Variants in NFATC1 observed in about 807,000 individuals in gnomAD.
NFATC1 encodes the protein nuclear factor of activated T-cells, cytoplasmic 1.
A neutral mutation model predicts 76.0 loss-of-function variants in NFATC1; 22 were observed. The observed-to-expected ratio is 0.29, with a 90% CI of 0.21 to 0.41. The LOEUF is 0.41. Among genes scored for constraint, NFATC1 ranks in the 10% least tolerant of loss-of-function variants. The pLI, the probability that NFATC1 is intolerant of heterozygous loss-of-function variation, is 1.00. For missense variants in NFATC1, 1,357 were observed against 1,337.7 expected (o/e 1.01, Z -0.23); for synonymous variants, 704 against 613.1 (o/e 1.15, Z -2.19).
At position 79,406,446 on chromosome 18, in the gene NFATC1, C is replaced by T. The variant is rs979557013; in HGVS notation, c.128-3957C>T. Reference sequence around the variant, plus strand: ...GGCTGGGCCCCCGTGATCGGATCCACGCTGCCATCGTGTTCCCTCAGTTCC... The same window carrying T: ...GGCTGGGCCCCCGTGATCGGATCCATGCTGCCATCGTGTTCCCTCAGTTCC... On this transcript the variant is annotated intron_variant, in intron 1 of 9. Transcript: ENST00000427363. Among the ~76,000 whole-genome samples the T allele has an allele frequency of 4.6e-5, 7 of 152,190 alleles. No individual in the cohort carries two copies. The East Asian group carries it at 7.8e-4, about 17-fold the overall frequency.
At position 79,504,543 on chromosome 18, in the gene NFATC1, C is replaced by G. The variant is rs78812714; in HGVS notation, c.2782+17606C>G. Among the ~76,000 whole-genome samples the G allele has an allele frequency of 3.1e-3, 479 of 152,338 alleles. 1 individual carries two copies. The highest frequency in any genetic ancestry group is 4.6e-3 in the Non-Finnish European group (312 of 68,032). Reference sequence around the variant, plus strand: ...CCCCAAAGATCACAGATCTCCGCAGCAGATATGATAGCAATGAGAAAGCTT... The same window carrying G: ...CCCCAAAGATCACAGATCTCCGCAGGAGATATGATAGCAATGAGAAAGCTT... On this transcript the variant is annotated intron_variant, in intron 9 of 9. Transcript: ENST00000427363.
chr18:79,448,955 A>C lies in NFATC1; in HGVS notation c.1560A>C (p.Pro520=), dbSNP rs769285518. ...CCAACACCAAAGTCCTGGAGATCCC[A>C]CTCCTGCCGGAGAACAGCATGCGAG... ...ILSNTKVLEI[P]LLPENSMRAV... The change falls in exon 4 of 10, where the codon CCA becomes CCC. Residue 520 remains proline (P), a synonymous_variant. Transcript: ENST00000427363. The C allele has an allele frequency of 2.5e-6, 4 of 1,612,618 alleles. No individual in the cohort carries two copies. Among genetic ancestry groups the C allele is most frequent in the Non-Finnish European group, 2.5e-6 (3 of 1,179,828 alleles).
intron 1 of NFATC1, chr18:79,402,385 C>T (rs1470870980): frequency 1.0e-6 from 1 of 985,310 alleles, no homozygotes; most frequent in African/African-American, 1.7e-5. Context: ...CAGGTGGGTT[C>T]AGGACACAGT....
At chr18:79,449,497 C>T (rs1387118597) in intron 4 of NFATC1, among the ~76,000 whole-genome samples, 9 of 152,254 alleles carry the variant, frequency 5.9e-5, no homozygotes, top group Admixed American at 5.9e-4. Flanking sequence ...TTAATCCTAG[C>T]TTGTGCTGGG....
chr18:79,429,035 A>G (rs2144637953), intron 2 of NFATC1, among the ~76,000 whole-genome samples: 2 of 152,308 alleles, frequency 1.3e-5, no homozygotes, highest in African/African-American at 4.8e-5. Flanking sequence ...AGCCTGGCCA[A>G]CATGGTGAAA....
intron 9 of NFATC1, among the ~76,000 whole-genome samples, chr18:79,508,355 C>G (rs988336788): frequency 6.6e-6 from 1 of 152,118 alleles, no homozygotes; most frequent in African/African-American, 2.4e-5. Context: ...CTCGGCCTGA[C>G]CAGCAGCCAC....
intron 2 of NFATC1, among the ~76,000 whole-genome samples, chr18:79,433,370 ATG>A (rs1236751009): frequency 1.3e-5 from 2 of 152,174 alleles, no homozygotes; most frequent in Admixed American, 1.3e-4. Context: ...TGCTTGGAAA[ATG>A]TTTCCATCTT....
At chr18:79,455,119 G>C (rs1462837657) in intron 6 of NFATC1, among the ~76,000 whole-genome samples, 1 of 152,258 alleles carries the variant, frequency 6.6e-6, no homozygotes, top group East Asian at 1.9e-4. Flanking sequence ...TCAAACATGA[G>C]CCAGTTCTCG....
intron 2 of NFATC1, among the ~76,000 whole-genome samples, chr18:79,413,111 G>C (rs903431698): frequency 6.6e-6 from 1 of 152,300 alleles, no homozygotes; most frequent in East Asian, 1.9e-4. Context: ...TGTACAACGC[G>C]CTTCATGGTC....
chr18:79,419,842 C>A (rs1293424858), intron 2 of NFATC1, among the ~76,000 whole-genome samples: 1 of 152,236 alleles, frequency 6.6e-6, no homozygotes, highest in Non-Finnish European at 1.5e-5. Flanking sequence ...CGGGATTAAA[C>A]CTGAGTCGGG....
chr18:79,400,412 G>A (rs1231320395), intron 1 of NFATC1: 4 of 1,495,644 alleles, frequency 2.7e-6, no homozygotes, highest in African/African-American at 1.5e-5. Flanking sequence ...TGGAGGACCA[G>A]GAGTTCGACT....
chr18:79,508,184 T>A (rs2090160460), intron 9 of NFATC1, among the ~76,000 whole-genome samples: 1 of 152,158 alleles, frequency 6.6e-6, no homozygotes, highest in Non-Finnish European at 1.5e-5. Context: ...TGCAGCTGAG[T>A]TATTTCCTCT....
chr18:79,487,998 C>T (rs1376621008), intron 9 of NFATC1, among the ~76,000 whole-genome samples: 1 of 152,170 alleles, frequency 6.6e-6, no homozygotes, highest in Non-Finnish European at 1.5e-5. Context: ...GGAGCCACTG[C>T]CCACTCCCTG....
At position 79,432,109 on chromosome 18, in the gene NFATC1, C is replaced by T. The variant is rs545427736; in HGVS notation, c.1227-1470C>T. Among the ~76,000 whole-genome samples, 31 of 152,356 alleles carry T rather than the reference C, an allele frequency of 2.0e-4. 1 individual carries two copies. Among genetic ancestry groups the T allele is most frequent in the Admixed American group, 1.9e-3 (29 of 15,310 alleles). On this transcript the variant is annotated intron_variant, in intron 2 of 9. Coordinates refer to ENST00000427363, the MANE Select transcript of NFATC1 (RefSeq NM_001278669.2). Reference sequence around the variant, plus strand: ...TTAACTTGCAGATGCCCCTGCTCTGCGACTGCATCGCATGGAACCTGCCCT... The same window carrying T: ...TTAACTTGCAGATGCCCCTGCTCTGTGACTGCATCGCATGGAACCTGCCCT...
intron 6 of NFATC1, among the ~76,000 whole-genome samples, chr18:79,456,276 T>C (rs2087720998): frequency 6.6e-6 from 1 of 152,090 alleles, no homozygotes; most frequent in African/African-American, 2.4e-5. Context: ...GAGTGTGGGG[T>C]GCATGTCCCC....
chr18:79,464,669 T>TGTGTGTGTGTGC, intron 7 of NFATC1, among the ~76,000 whole-genome samples: 1 of 122,290 alleles, frequency 8.2e-6, no homozygotes, highest in Admixed American at 8.0e-5. Flanking sequence ...TGTGTGTGTG[T>TGTGTGTGTGTGC]GTATATGTAT....
chr18:79,464,815 C>T (rs1325206263), intron 7 of NFATC1, among the ~76,000 whole-genome samples: 2 of 150,584 alleles, frequency 1.3e-5, no homozygotes, highest in African/African-American at 4.9e-5. Context: ...AAGCAGTTCT[C>T]ATGCCTCAGC....
intron 9 of NFATC1, among the ~76,000 whole-genome samples, chr18:79,494,571 G>A (rs1174185732): frequency 4.3e-5 from 4 of 93,638 alleles, no homozygotes; most frequent in African/African-American, 1.6e-4. Context: ...TGGTACCGCC[G>A]GGGGAAGGCG....
chr18:79,454,335 G>A (rs945809848), intron 6 of NFATC1, among the ~76,000 whole-genome samples: 5 of 152,246 alleles, frequency 3.3e-5, no homozygotes, highest in South Asian at 2.1e-4. Flanking sequence ...CAGCCTCTGC[G>A]TATCAGCCAG....
Sources: allele counts gnomAD v4.1 joint callset (sites outside exome capture counted in the v4.1 genomes callset), GRCh38; gene constraint gnomAD v4.1.1; transcripts MANE v1.5; gene names NCBI Gene and HGNC (gene_info 2026-07-23, HGNC 2026-07-21).